UBE2V2: variants seen among roughly 807,000 people sequenced by gnomAD.
UBE2V2 encodes ubiquitin-conjugating enzyme E2 variant 2.
A neutral mutation model predicts 17.2 loss-of-function variants in UBE2V2; 9 were observed. The ratio of observed to expected loss-of-function variants is 0.52; its 90% CI spans 0.32 to 0.91. The LOEUF (loss-of-function observed/expected upper bound fraction) is 0.91. UBE2V2 is among the 40% of genes least tolerant of loss of function. UBE2V2 has a pLI of 0.04. For missense variants in UBE2V2, 133 were observed against 182.6 expected, an observed-to-expected ratio of 0.73 and a Z score of 1.56; for synonymous variants, 61 against 57.5, an observed-to-expected ratio of 1.06 and a Z score of -0.28.
intron 1 of UBE2V2, among the ~76,000 whole-genome samples, chr8:48,009,410 C>T (rs2091212344): frequency 6.6e-6 from 1 of 151,846 alleles, no homozygotes; most frequent in African/African-American, 2.4e-5. Flanking sequence ...GGATTACAGG[C>T]GCGTGCCACC....
At chr8:48,027,536 G>C (rs2091353850) in intron 1 of UBE2V2, among the ~76,000 whole-genome samples, 1 of 152,148 alleles carries the variant, frequency 6.6e-6, no homozygotes, top group Non-Finnish European at 1.5e-5. Flanking sequence ...TTCTTGTTCT[G>C]TTGTCCAGGC....
chr8:48,020,894 T>G (rs540744916), intron 1 of UBE2V2, among the ~76,000 whole-genome samples: 90 of 151,704 alleles, frequency 5.9e-4, no homozygotes, highest in Non-Finnish European at 9.0e-4. Context: ...TGTGCCACGA[T>G]GCCCAGCTAA....
At chr8:48,025,454 T>G (rs1350820755) in intron 1 of UBE2V2, among the ~76,000 whole-genome samples, 2 of 151,172 alleles carry the variant, frequency 1.3e-5, no homozygotes, top group East Asian at 1.9e-4. Context: ...TTTTTTGTAT[T>G]TTAGTAGAGA....
chr8:48,038,165 C>T (rs2091437393), intron 1 of UBE2V2, among the ~76,000 whole-genome samples: 1 of 152,156 alleles, frequency 6.6e-6, no homozygotes, highest in Non-Finnish European at 1.5e-5. Context: ...CATATACCCA[C>T]CCTGGCTATT....
intron 3 of UBE2V2, among the ~76,000 whole-genome samples, chr8:48,051,736 A>G (rs781099711): frequency 1.2e-4 from 18 of 152,070 alleles, no homozygotes; most frequent in Admixed American, 6.5e-4. Context: ...ACCCCAACCT[A>G]ATACGCAGGT....
chr8:48,005,561 A>C (rs1279791010), upstream of UBE2V2, among the ~76,000 whole-genome samples: 4 of 152,180 alleles, frequency 2.6e-5, no homozygotes, highest in Admixed American at 1.3e-4. Flanking sequence ...GTCAAATGGT[A>C]TTTCTAGTTC....
At chr8:48,032,157 T>A (rs2091387813) in intron 1 of UBE2V2, among the ~76,000 whole-genome samples, 1 of 152,166 alleles carries the variant, frequency 6.6e-6, no homozygotes, top group East Asian at 1.9e-4. Context: ...TATAATAGAT[T>A]TCAAATACTG....
intron 1 of UBE2V2, among the ~76,000 whole-genome samples, chr8:48,009,561 C>G (rs1248486179): frequency 6.6e-6 from 1 of 152,140 alleles, no homozygotes; most frequent in African/African-American, 2.4e-5. Flanking sequence ...CCACCGCGCT[C>G]GGCCTGATCT....
chr8:48,016,825 C>T (rs372748680), intron 1 of UBE2V2, among the ~76,000 whole-genome samples: 13 of 131,842 alleles, frequency 9.9e-5, no homozygotes, highest in East Asian at 9.4e-4. Context: ...CTCGCTCTGT[C>T]GCCTAGGCTG....
chr8:48,037,812 C>T (rs914006528), intron 1 of UBE2V2, among the ~76,000 whole-genome samples: 3 of 152,200 alleles, frequency 2.0e-5, no homozygotes, highest in African/African-American at 7.2e-5. Flanking sequence ...GTGCTTAACA[C>T]TTCTTCCCTG....
intron 1 of UBE2V2, among the ~76,000 whole-genome samples, chr8:48,009,659 A>G (rs962580456): frequency 2.0e-5 from 3 of 152,234 alleles, no homozygotes; most frequent in African/African-American, 7.2e-5. Flanking sequence ...ATGAATTTTC[A>G]AATCTATATG....
intron 1 of UBE2V2, among the ~76,000 whole-genome samples, chr8:48,041,048 TA>T (rs1339128373): frequency 2.0e-5 from 3 of 151,600 alleles, no homozygotes; most frequent in Non-Finnish European, 4.4e-5. Flanking sequence ...GTATTTTTAC[TA>T]GAGACAGGGT....
At chr8:48,050,999 ACCAAGCC>A (rs1389925237) in intron 3 of UBE2V2, among the ~76,000 whole-genome samples, 1 of 152,128 alleles carries the variant, frequency 6.6e-6, no homozygotes, top group African/African-American at 2.4e-5. Context: ...GGCACATGCC[ACCAAGCC>A]CATCTAATTT....
chr8:48,027,424 T>G (rs2091352975), intron 1 of UBE2V2, among the ~76,000 whole-genome samples: 1 of 152,246 alleles, frequency 6.6e-6, no homozygotes, highest in South Asian at 2.1e-4. Context: ...AAGTGGTATC[T>G]CATTGTGGTT....
intron 2 of UBE2V2, 187 bp downstream of exon 2, chr8:48,043,368 G>C (rs937156132): frequency 6.8e-6 from 3 of 439,910 alleles, no homozygotes; most frequent in Non-Finnish European, 7.3e-6. Flanking sequence ...GGATTGGGGG[G>C]AGGAAGGTTG....
At chr8:48,037,561 TATG>T (rs2091433063) in intron 1 of UBE2V2, among the ~76,000 whole-genome samples, 1 of 152,238 alleles carries the variant, frequency 6.6e-6, no homozygotes, top group Admixed American at 6.5e-5. Flanking sequence ...ACTCTCGCTT[TATG>T]ATGTTACCTC....
At chr8:48,058,538 C>A (rs1224141638) in intron 3 of UBE2V2, among the ~76,000 whole-genome samples, 1 of 147,212 alleles carries the variant, frequency 6.8e-6, no homozygotes, top group Non-Finnish European at 1.5e-5. Flanking sequence ...TGCCACTGCA[C>A]TGCACTCTAG....
rs533054776 is a variant in UBE2V2, at chr8:48,017,781, A to G, written c.16+9311A>G. Among the ~76,000 whole-genome samples, 39 of 151,298 alleles carry G rather than the reference A, an allele frequency of 2.6e-4. No homozygotes were observed. The South Asian group carries it at 7.9e-3, about 31-fold the overall frequency. On this transcript the variant is annotated intron_variant, in intron 1 of 3. Transcript: ENST00000523111. Reference sequence around the variant, plus strand: ...TGTGCTTTTGAGGTCATATCCTCCAAAAATCATTGCCCAGACCAATGCCAT... The same window carrying G: ...TGTGCTTTTGAGGTCATATCCTCCAGAAATCATTGCCCAGACCAATGCCAT...
At chr8:48,010,409 T>G (rs1445574971) in intron 1 of UBE2V2, among the ~76,000 whole-genome samples, 3 of 150,214 alleles carry the variant, frequency 2.0e-5, no homozygotes, top group Non-Finnish European at 4.4e-5. Flanking sequence ...GTTTTTTTTT[T>G]TTTTTTTTTT....
Sources: allele counts gnomAD v4.1 joint callset (sites outside exome capture counted in the v4.1 genomes callset), GRCh38; gene constraint gnomAD v4.1.1; transcripts MANE v1.5; gene names NCBI Gene and HGNC (gene_info 2026-07-23, HGNC 2026-07-21).